The following TRPM1 variants were observed in gnomAD, a reference collection of about 807,000 sequenced individuals.
The protein encoded by TRPM1 is transient receptor potential cation channel subfamily M member 1.
Under a neutral mutation model 149.4 loss-of-function variants are expected in TRPM1, and 113 were observed. The ratio of observed to expected loss-of-function variants is 0.76; its 90% confidence interval spans 0.65 to 0.88. The LOEUF (loss-of-function observed/expected upper bound fraction) is 0.88. Among genes scored for constraint, TRPM1 ranks in the 40% least tolerant of loss-of-function variants. TRPM1 has a pLI of 0.00. For synonymous variants in TRPM1, 741 were observed against 759.5 expected, an observed-to-expected ratio of 0.98 and a Z score of 0.40; for missense variants, 1,976 against 2,038.7, an observed-to-expected ratio of 0.97 and a Z score of 0.59.
intron 7 of TRPM1, among the ~76,000 whole-genome samples, chr15:31,064,714 A>G (rs555303433): frequency 6.4e-4 from 98 of 152,320 alleles, no homozygotes; most frequent in African/African-American, 2.3e-3. Flanking sequence ...GAGCCATTTC[A>G]GAGTTTCTAA....
chr15:31,007,876 T>G (rs2032053408), intron 27 of TRPM1, among the ~76,000 whole-genome samples: 1 of 152,256 alleles, frequency 6.6e-6, no homozygotes, highest in Non-Finnish European at 1.5e-5. Context: ...TTTGTAGTTT[T>G]CTGCATATAG....
At chr15:31,088,496 C>G (rs561318626) in intron 1 of TRPM1, among the ~76,000 whole-genome samples, 9 of 152,172 alleles carry the variant, frequency 5.9e-5, no homozygotes, top group African/African-American at 1.7e-4. Flanking sequence ...ACGAACACAC[C>G]TGGAAAGACG....
intron 3 of TRPM1, among the ~76,000 whole-genome samples, chr15:31,075,866 G>T (rs2034673588): frequency 6.6e-6 from 1 of 151,634 alleles, no homozygotes; most frequent in Non-Finnish European, 1.5e-5. Flanking sequence ...TTAAACGGTT[G>T]GTTTTTTCAT....
At chr15:31,057,405 G>C (rs1316355937) in intron 11 of TRPM1, among the ~76,000 whole-genome samples, 2 of 152,102 alleles carry the variant, frequency 1.3e-5, no homozygotes, top group Admixed American at 6.6e-5. Flanking sequence ...AGTGGGAGGA[G>C]GGAGAGGGTC....
rs2031838852 is a variant in TRPM1, at chr15:31,002,852, T to G, written c.3848A>C (p.Gln1283Pro). The change falls in exon 28 of 28, where the codon CAA becomes CCA. Residue 1283 changes from glutamine to proline, a missense_variant. This residue lies in a region of TRPM1 where 572 missense variants were observed against 578.9 expected (regional missense o/e 0.99). Coordinates refer to ENST00000256552, the MANE Select transcript of TRPM1 (RefSeq NM_001252024.2). ...GCCATCAGCGCTATTGATGCTGCTT[T>G]GCCGGAGAAGATACGTTGCCTCACA... The part of the protein sequence containing the change: ...SECEATYLLR[Q>P]SSINSADGYS... 1 of 1,614,222 alleles carries G rather than the reference T, an allele frequency of 6.2e-7. No homozygotes were observed. The highest frequency in any genetic ancestry group is 8.5e-7 in the Non-Finnish European group (1 of 1,180,034).
At chr15:31,099,460 C>A (rs1223493438) in intron 1 of TRPM1, among the ~76,000 whole-genome samples, 1 of 152,090 alleles carries the variant, frequency 6.6e-6, no homozygotes, top group African/African-American at 2.4e-5. Flanking sequence ...TCAATCAAAG[C>A]CAAAGCCAAT....
intron 27 of TRPM1, among the ~76,000 whole-genome samples, chr15:31,006,109 C>T (rs1287205777): frequency 6.6e-6 from 1 of 152,202 alleles, no homozygotes; most frequent in Non-Finnish European, 1.5e-5. Context: ...AGAAGCATTC[C>T]AGATCCAAGT....
chr15:31,060,739 C>T, intron 10 of TRPM1, 95 bp from the exon 11 acceptor site: 2 of 965,806 alleles, frequency 2.1e-6, no homozygotes, highest in Non-Finnish European at 3.3e-6. Context: ...TTCCCTTGGG[C>T]TGCTGGCCTA....
At chr15:31,052,189 C>T (rs181965446) in intron 11 of TRPM1, among the ~76,000 whole-genome samples, 63 of 152,324 alleles carry the variant, frequency 4.1e-4, no homozygotes, top group African/African-American at 1.5e-3. Flanking sequence ...AAGTAACTCT[C>T]CTGCTTAAAA....
intron 24 of TRPM1, 88 bp from the exon 25 acceptor site, chr15:31,028,564 CT>C: frequency 7.0e-7 from 1 of 1,424,368 alleles, no homozygotes; most frequent in Non-Finnish European, 9.7e-7. Context: ...ATACCTATTT[CT>C]TTTTTAATAT....
chr15:31,081,439 C>T lies in TRPM1; in HGVS notation c.-83-1G>A, dbSNP rs2034856012. On this transcript the variant is annotated splice_acceptor_variant, in intron 1 of 27. Transcript: ENST00000256552. LOFTEE classifies it low-confidence loss of function (5UTR_SPLICE). The stretch of plus-strand genomic sequence containing the variant: ...TGAGTCCTCAGAAATCTTCTAGAAC[C>T]TACGAGGATAAACAAGAGGAGTAAG... 3.3e-6 allele frequency: 5 copies of T among 1,530,712 alleles called. No individual in the cohort carries two copies. The highest frequency in any genetic ancestry group is 4.4e-6 in the Non-Finnish European group (5 of 1,143,480). 94.8% of individuals were successfully genotyped at this position (1,530,712 alleles called of 1,614,324 possible).
At chr15:31,088,882 G>T (rs953454707) in intron 1 of TRPM1, among the ~76,000 whole-genome samples, 7 of 149,736 alleles carry the variant, frequency 4.7e-5, no homozygotes, top group Admixed American at 2.0e-4. Flanking sequence ...TGGCCCCCCC[G>T]AGCGGGAGAT....
intron 17 of TRPM1, among the ~76,000 whole-genome samples, chr15:31,041,440 G>A (rs1204188794): frequency 2.0e-5 from 3 of 152,104 alleles, no homozygotes; most frequent in Non-Finnish European, 2.9e-5. Context: ...ATGAGCCACC[G>A]TGCCCGGCCA....
chr15:31,088,409 T>G (rs1488928482), intron 1 of TRPM1, among the ~76,000 whole-genome samples: 1 of 152,198 alleles, frequency 6.6e-6, no homozygotes, highest in African/African-American at 2.4e-5. Context: ...GCAGAAAGTG[T>G]CTGGGTTGGC....
Position 31,026,119 on chromosome 15 carries a change from G to A in TRPM1, c.3629+20C>T, listed in dbSNP as rs757237003. 4 of 1,609,466 alleles carry A rather than the reference G, an allele frequency of 2.5e-6. No homozygotes were observed. The highest frequency in any genetic ancestry group is 1.3e-5 in the African/African-American group (1 of 75,028). ...GCAAACCCTTGGCTCACGGGCCCGC[G>A]GTGGGGACGCTACACGTACCTTTCA... On this transcript the variant is annotated intron_variant, in intron 27 of 27. Coordinates refer to ENST00000256552, the MANE Select transcript of TRPM1 (RefSeq NM_001252024.2).
chr15:31,032,574 G>T, intron 22 of TRPM1, 115 bp downstream of exon 22: 1 of 1,245,420 alleles, frequency 8.0e-7, no homozygotes, highest in Non-Finnish European at 1.2e-6. Context: ...CCTTTAAAAA[G>T]CCAACTGCAA....
At chr15:31,124,586 G>A (rs550507462) in intron 1 of TRPM1, among the ~76,000 whole-genome samples, 58 of 149,788 alleles carry the variant, frequency 3.9e-4, no homozygotes, top group African/African-American at 1.3e-3. Context: ...CCCGGGAGGC[G>A]GAGGTTGCAG....
At chr15:31,141,614 G>C (rs1229297040) in intron 1 of TRPM1, among the ~76,000 whole-genome samples, 2 of 151,948 alleles carry the variant, frequency 1.3e-5, no homozygotes, top group Non-Finnish European at 2.9e-5. Context: ...AATTTTTTTT[G>C]TATGAGAGAG....
At chr15:31,026,098 AC>A in intron 27 of TRPM1, 40 bp downstream of exon 27, 1 of 1,607,050 alleles carries the variant, frequency 6.2e-7, no homozygotes. Context: ...GAGTCAGCAA[AC>A]CCTTGGCTCA....
Sources: allele counts gnomAD v4.1 joint callset (sites outside exome capture counted in the v4.1 genomes callset), GRCh38; gene constraint gnomAD v4.1.1; regional missense constraint gnomAD v4.1.1; transcripts MANE v1.5; gene names NCBI Gene and HGNC (gene_info 2026-07-23, HGNC 2026-07-21).